NFIB: variants seen among roughly 807,000 people sequenced by gnomAD.
The protein encoded by NFIB is nuclear factor 1 B-type.
A neutral mutation model predicts 61.5 loss-of-function variants in NFIB; 11 were observed. The ratio of observed to expected loss-of-function variants is 0.18; its 90% CI spans 0.11 to 0.30. The LOEUF (loss-of-function observed/expected upper bound fraction) is 0.30, where lower values mean the gene tolerates loss of function less well. NFIB is among the 10% of genes least tolerant of loss of function. The probability of loss-of-function intolerance (pLI) is 1.00; values close to 1 mark genes in which losing one functional copy is unlikely to be tolerated. For missense variants in NFIB, 471 were observed against 608.9 expected (o/e 0.77, Z 2.38); for synonymous variants, 260 against 216.5 (o/e 1.20, Z -1.76).
intron 2 of NFIB, among the ~76,000 whole-genome samples, chr9:14,244,939 G>A (rs763923564): frequency 9.9e-5 from 15 of 152,162 alleles, no homozygotes; most frequent in East Asian, 1.9e-4. Flanking sequence ...TGGGGTGTCC[G>A]GATTCTCCTC....
At chr9:14,153,913 T>C (rs958685400) in intron 4 of NFIB, among the ~76,000 whole-genome samples, 1 of 152,094 alleles carries the variant, frequency 6.6e-6, no homozygotes, top group African/African-American at 2.4e-5. Flanking sequence ...CCTATTTACA[T>C]ATGGAGGAGA....
chr9:14,481,933 T>A, the NFIB span, among the ~76,000 whole-genome samples: 2 of 152,120 alleles, frequency 1.3e-5, no homozygotes, highest in African/African-American at 4.8e-5. Context: ...GCACCATTTT[T>A]ACCTTTGGTC....
At position 14,329,399 on chromosome 9, in the gene NFIB, C is replaced by T. The variant is rs76242399; in HGVS notation, c.109-21879G>A. Among the ~76,000 whole-genome samples, 989 of 152,272 alleles carry T rather than the reference C, an allele frequency of 6.5e-3. 7 individuals are homozygous for T. The highest frequency in any genetic ancestry group is 0.01 in the Non-Finnish European group (688 of 68,022). ...AGACTGAAATGTCCCAGGATAGCCACTCATCACCTTTTATGCTCCAGGTCA... is the reference window on the plus strand; with the variant it reads ...AGACTGAAATGTCCCAGGATAGCCATTCATCACCTTTTATGCTCCAGGTCA... On this transcript the variant is annotated intron_variant, in intron 1 of 8. Coordinates refer to the NFIB transcript ENST00000380934.
At chr9:14,360,735 G>A (rs2061229239) in intron 1 of NFIB, among the ~76,000 whole-genome samples, 1 of 151,800 alleles carries the variant, frequency 6.6e-6, no homozygotes, top group Non-Finnish European at 1.5e-5. Context: ...TAGTAGAGAC[G>A]GGGTTTCACC....
intron 2 of NFIB, among the ~76,000 whole-genome samples, chr9:14,205,340 G>A (rs911593504): frequency 8.1e-5 from 12 of 147,558 alleles, no homozygotes; most frequent in African/African-American, 3.0e-4. Context: ...TGGAGACACT[G>A]CATGGAACTA....
chr9:14,439,818 C>T, the NFIB span, among the ~76,000 whole-genome samples: 53,142 of 152,098 alleles, frequency 0.35, 10,592 homozygotes, highest in Admixed American at 0.5. Context: ...GGCAAAAACA[C>T]GGTGTAAGGG....
At chr9:14,516,303 T>C in the NFIB span, among the ~76,000 whole-genome samples, 1 of 152,186 alleles carries the variant, frequency 6.6e-6, no homozygotes, top group Non-Finnish European at 1.5e-5. Context: ...TTACCAGTGA[T>C]TTAAGGTTTG....
At chr9:14,510,226 T>C in the NFIB span, among the ~76,000 whole-genome samples, 6 of 152,156 alleles carry the variant, frequency 3.9e-5, no homozygotes, top group African/African-American at 9.7e-5. Flanking sequence ...TGAGATGTGA[T>C]TGATTTAAGT....
At chr9:14,156,434 C>T (rs545403445) in intron 3 of NFIB, among the ~76,000 whole-genome samples, 1 of 152,232 alleles carries the variant, frequency 6.6e-6, no homozygotes, top group Non-Finnish European at 1.5e-5. Context: ...ACAGCAAATA[C>T]AGAACTTTGC....
chr9:14,174,511 T>A lies in NFIB; in HGVS notation c.616+5216A>T, dbSNP rs1160199166. On this transcript the variant is annotated intron_variant, in intron 3 of 10. Coordinates refer to ENST00000380953, the MANE Select transcript of NFIB (RefSeq NM_001190737.2). ...GGCCGGGTGCGGTGGCTCATGCCTG[T>A]AATCCCAGCACTTTGGGAGGCTGAG... 2.0e-5 allele frequency among the ~76,000 whole-genome samples: 3 copies of A among 152,118 alleles called. No individual in the cohort carries two copies. The East Asian group carries it at 5.8e-4, about 29-fold the overall frequency.
At chr9:14,159,730 G>A (rs1387954055) in intron 3 of NFIB, among the ~76,000 whole-genome samples, 1 of 152,184 alleles carries the variant, frequency 6.6e-6, no homozygotes, top group Non-Finnish European at 1.5e-5. Flanking sequence ...CAATACTTGA[G>A]GGCTGTAGCA....
chr9:14,490,883 G>A, the NFIB span, among the ~76,000 whole-genome samples: 1 of 152,280 alleles, frequency 6.6e-6, no homozygotes, highest in South Asian at 2.1e-4. Flanking sequence ...TATATATTTT[G>A]TAACCCTAGT....
the NFIB span, among the ~76,000 whole-genome samples, chr9:14,415,853 C>G: frequency 1.1e-4 from 16 of 152,162 alleles, no homozygotes; most frequent in Non-Finnish European, 2.2e-4. Context: ...ATTCAGCCAT[C>G]TTTGGACCTA....
In NFIB at chr9:14,395,299, G is replaced by A. The variant is rs190944300; in HGVS notation, c.108+3225C>T. Among the ~76,000 whole-genome samples the A allele has an allele frequency of 1.6e-3, 233 of 148,844 alleles. 3 individuals carry two copies. The highest frequency in any genetic ancestry group is 5.2e-3 in the African/African-American group (209 of 40,250). On this transcript the variant is annotated intron_variant, in intron 1 of 8. Coordinates refer to the NFIB transcript ENST00000380934. ...CTAGTCAGATATTCATTAATATTTC[G>A]GGACAGCCAAAAAAAAAAAAAACCT... is the stretch of plus-strand genomic sequence containing the variant.
intron 9 of NFIB, among the ~76,000 whole-genome samples, chr9:14,115,438 C>T (rs1164218149): frequency 1.3e-5 from 2 of 152,058 alleles, no homozygotes; most frequent in Admixed American, 1.3e-4. Flanking sequence ...GGTGAAACCA[C>T]CTCAAAATTA....
chr9:14,259,155 AC>A (rs1172034776), intron 2 of NFIB, among the ~76,000 whole-genome samples: 1 of 152,262 alleles, frequency 6.6e-6, no homozygotes, highest in Non-Finnish European at 1.5e-5. Flanking sequence ...ATTCATTGTT[AC>A]ATACAAAGCT....
chr9:14,492,359 C>T, the NFIB span, among the ~76,000 whole-genome samples: 1 of 120,864 alleles, frequency 8.3e-6, no homozygotes, highest in Non-Finnish European at 1.7e-5. Context: ...TGAGACTTTG[C>T]CTCAAAATAA....
At chr9:14,437,781 C>T in the NFIB span, among the ~76,000 whole-genome samples, 1 of 152,236 alleles carries the variant, frequency 6.6e-6, no homozygotes, top group African/African-American at 2.4e-5. Flanking sequence ...CCTGCTCGTC[C>T]CTCTTCTCAG....
chr9:14,131,901 A>G (rs911715589), intron 6 of NFIB, among the ~76,000 whole-genome samples: 9 of 152,096 alleles, frequency 5.9e-5, no homozygotes, highest in African/African-American at 2.2e-4. Context: ...CAGCACCTTA[A>G]CACCTGCCTG....
Sources: gnomAD v4.1 joint callset for allele counts (sites outside exome capture counted in the v4.1 genomes callset) on GRCh38, gnomAD v4.1.1 for gene constraint, MANE v1.5 for transcripts, NCBI Gene and HGNC (gene_info 2026-07-23, HGNC 2026-07-21) for gene names.